Variants in CPEB1 observed in about 807,000 individuals in gnomAD.
The protein encoded by CPEB1 is cytoplasmic polyadenylation element-binding protein 1.
A neutral mutation model predicts 65.8 loss-of-function variants in CPEB1; 7 were observed. The observed-to-expected ratio is 0.11, with a 90% CI of 0.06 to 0.20. The LOEUF (loss-of-function observed/expected upper bound fraction) is 0.20, where lower values mean the gene tolerates loss of function less well. Among genes scored for constraint, CPEB1 ranks in the 10% least tolerant of loss-of-function variants. The pLI, the probability that CPEB1 is intolerant of heterozygous loss-of-function variation, is 1.00. For synonymous variants in CPEB1, 262 were observed against 260.0 expected (o/e 1.01, Z -0.08); for missense variants, 551 against 712.2 (o/e 0.77, Z 2.58).
chr15:82,615,504 G>C (rs2044625790), intron 3 of CPEB1, among the ~76,000 whole-genome samples: 1 of 152,176 alleles, frequency 6.6e-6, no homozygotes, highest in African/African-American at 2.4e-5. Context: ...TGCATGGAAT[G>C]TCAAGAAACA....
intron 1 of CPEB1, chr15:82,630,097 G>C (rs1596132445): frequency 3.0e-6 from 3 of 985,394 alleles, no homozygotes; most frequent in Non-Finnish European, 1.2e-6. Context: ...TGAAGGCTAA[G>C]ATGCAAAGAT....
At chr15:82,645,729 G>T (rs1453368748) in intron 1 of CPEB1, among the ~76,000 whole-genome samples, 2 of 151,966 alleles carry the variant, frequency 1.3e-5, no homozygotes, top group South Asian at 4.2e-4. Context: ...TCAGCCGCGC[G>T]TGGTGGCACG....
At chr15:82,607,457 G>A (rs1340265067) in intron 3 of CPEB1, among the ~76,000 whole-genome samples, 1 of 151,590 alleles carries the variant, frequency 6.6e-6, no homozygotes, top group Non-Finnish European at 1.5e-5. Flanking sequence ...GTGTGGTGGT[G>A]TGTGCCTGTA....
At chr15:82,555,563 A>G (rs2037049620) in intron 6 of CPEB1, among the ~76,000 whole-genome samples, 1 of 152,194 alleles carries the variant, frequency 6.6e-6, no homozygotes, top group Non-Finnish European at 1.5e-5. Context: ...GAAAAAGTAA[A>G]AGCAAGAGCA....
chr15:82,597,143 A>G lies in CPEB1; in HGVS notation c.272-25611T>C, dbSNP rs1046039872. On this transcript the variant is annotated intron_variant, in intron 3 of 12. Transcript: ENST00000684509. The stretch of plus-strand genomic sequence containing the variant: ...AGTTCAAGCTCAGACTGGGCAACAC[A>G]GGGAGACCCTATCTCTACAAAAAAA... Among the ~76,000 whole-genome samples, 3 of 152,174 alleles carry G rather than the reference A, an allele frequency of 2.0e-5. No individual in the cohort carries two copies. The East Asian group carries it at 5.8e-4, about 29-fold the overall frequency.
chr15:82,641,816 G>GTA (rs2047141866), intron 1 of CPEB1: 1 of 150,724 alleles, frequency 6.6e-6, no homozygotes, highest in South Asian at 2.1e-4. Flanking sequence ...ACTACTGAAA[G>GTA]TAAAGCTCAA....
Position 82,553,871 on chromosome 15 carries a change from A to C in CPEB1, c.1054+7T>G. 6.4e-7 allele frequency: 1 copy of C among 1,567,034 alleles called. No individual in the cohort carries two copies. The highest frequency in any genetic ancestry group is 8.8e-7 in the Non-Finnish European group (1 of 1,138,028). On this transcript the variant is annotated splice_region_variant and intron_variant, in intron 7 of 12. Coordinates refer to ENST00000684509, the MANE Select transcript of CPEB1 (RefSeq NM_001365242.1). ...AACTCTTAAAGCAGGTCTTAGAGAC[A>C]GCTCACCTTCTGTAATATCCCAAGG...
intron 5 of CPEB1, among the ~76,000 whole-genome samples, chr15:82,556,905 A>G (rs1305500026): frequency 6.6e-6 from 1 of 152,234 alleles, no homozygotes; most frequent in East Asian, 1.9e-4. Flanking sequence ...AGGCGATCAC[A>G]ACCAAAGTTG....
intron 3 of CPEB1, among the ~76,000 whole-genome samples, chr15:82,581,651 ATC>A (rs1278976324): frequency 1.3e-5 from 2 of 152,188 alleles, no homozygotes; most frequent in African/African-American, 4.8e-5. Flanking sequence ...GTAAACTGGT[ATC>A]TCATTGCGGT....
At chr15:82,614,144 C>T (rs763211831) in intron 3 of CPEB1, among the ~76,000 whole-genome samples, 6 of 152,086 alleles carry the variant, frequency 3.9e-5, no homozygotes, top group African/African-American at 4.8e-5. Flanking sequence ...GCGTCCTCTT[C>T]GTCACTCCTA....
chr15:82,622,996 C>T (rs975511205), intron 3 of CPEB1, among the ~76,000 whole-genome samples: 2 of 152,152 alleles, frequency 1.3e-5, no homozygotes, highest in African/African-American at 4.8e-5. Context: ...TTTTGGTAAG[C>T]CCTGGCGGGA....
chr15:82,598,258 CTG>C (rs2042817370), intron 3 of CPEB1, among the ~76,000 whole-genome samples: 1 of 17,614 alleles, frequency 5.7e-5, no homozygotes, highest in Non-Finnish European at 1.1e-4. Flanking sequence ...GGTGGATCAC[CTG>C]AGGTGGGTGG....
intron 1 of CPEB1, among the ~76,000 whole-genome samples, chr15:82,631,270 T>C (rs1303026997): frequency 6.6e-6 from 1 of 152,150 alleles, no homozygotes. Context: ...GCAAATGATA[T>C]CTGACATGCC....
intron 3 of CPEB1, among the ~76,000 whole-genome samples, chr15:82,624,142 G>GA (rs1331098711): frequency 6.6e-6 from 1 of 152,106 alleles, no homozygotes; most frequent in African/African-American, 2.4e-5. Flanking sequence ...GGTGACCACA[G>GA]AAAAAATGCT....
intron 10 of CPEB1, among the ~76,000 whole-genome samples, chr15:82,549,259 C>T (rs761061478): frequency 2.0e-4 from 30 of 152,226 alleles, no homozygotes; most frequent in Non-Finnish European, 3.8e-4. Context: ...TCTCCCACTG[C>T]GTGGGAGATG....
chr15:82,590,295 C>T (rs2042140912), intron 3 of CPEB1, among the ~76,000 whole-genome samples: 1 of 148,798 alleles, frequency 6.7e-6, no homozygotes, highest in Non-Finnish European at 1.5e-5. Flanking sequence ...GAAAGTTAAC[C>T]TTCTGTTACC....
At chr15:82,646,678 G>A (rs1420116116) in intron 1 of CPEB1, among the ~76,000 whole-genome samples, 2 of 152,222 alleles carry the variant, frequency 1.3e-5, no homozygotes, top group Non-Finnish European at 2.9e-5. Context: ...CGGGGTCAAC[G>A]CGGGGCCGCT....
At position 82,544,508 on chromosome 15, in the gene CPEB1, G is replaced by C. The variant is rs1241434260; in HGVS notation, c.*84C>G. 6.3e-6 allele frequency: 6 copies of C among 954,004 alleles called. No individual in the cohort carries two copies. The highest frequency in any genetic ancestry group is 9.7e-6 in the Non-Finnish European group (6 of 618,896). 59.1% of individuals were successfully genotyped at this position (954,004 alleles called of 1,614,324 possible). On this transcript the variant is annotated 3_prime_UTR_variant, in exon 13 of 13. Transcript: ENST00000684509. ...CTTGTCCTTGGGAAGCCAGCTCCCT[G>C]GTCGCCAGTGGCAGGGTGGTGCAGG...
chr15:82,639,353 T>A (rs1394545265), intron 1 of CPEB1, among the ~76,000 whole-genome samples: 4 of 152,196 alleles, frequency 2.6e-5, no homozygotes. Flanking sequence ...CAACACTCTA[T>A]AAGGTTCCCC....
Sources: gnomAD v4.1 joint callset for allele counts (sites outside exome capture counted in the v4.1 genomes callset) on GRCh38, gnomAD v4.1.1 for gene constraint, MANE v1.5 for transcripts, NCBI Gene and HGNC (gene_info 2026-07-23, HGNC 2026-07-21) for gene names.